Variants in DNM2 observed in about 807,000 individuals in gnomAD.
The protein encoded by DNM2 is dynamin-2.
In DNM2, 15 loss-of-function variants were observed where a neutral mutation model predicts 99.0. The ratio of observed to expected loss-of-function variants is 0.15; its 90% CI spans 0.10 to 0.23. The LOEUF (loss-of-function observed/expected upper bound fraction) is 0.23, where lower values mean the gene tolerates loss of function less well. Ranked by LOEUF, DNM2 falls within the 10% of genes least tolerant of loss-of-function variation. The probability of loss-of-function intolerance (pLI) is 1.00; values close to 1 mark genes in which losing one functional copy is unlikely to be tolerated. For synonymous variants in DNM2, 525 were observed against 481.2 expected (o/e 1.09, Z -1.19); for missense variants, 742 against 1,189.4 (o/e 0.62, Z 5.53).
chr19:10,721,901 A>G (rs187552170), intron 1 of DNM2, among the ~76,000 whole-genome samples: 1 of 152,270 alleles, frequency 6.6e-6, no homozygotes, highest in East Asian at 1.9e-4. Context: ...TTGTGGCTCT[A>G]AGACACTCAG....
At chr19:10,754,225 G>T (rs1273090558) in intron 1 of DNM2, among the ~76,000 whole-genome samples, 1 of 151,532 alleles carries the variant, frequency 6.6e-6, no homozygotes, top group African/African-American at 2.4e-5. Flanking sequence ...ACCTTTTCCT[G>T]AGATTTCAGT....
At chr19:10,825,019 CCA>C (rs759460938) in intron 17 of DNM2, 36 bp from the exon 18 acceptor site, 2 of 1,612,766 alleles carry the variant, frequency 1.2e-6, no homozygotes, top group Non-Finnish European at 8.5e-7. Context: ...TTGGCCCAGG[CCA>C]CAGTCACCCC....
At chr19:10,723,252 G>C (rs1159393679) in intron 1 of DNM2, among the ~76,000 whole-genome samples, 3 of 151,574 alleles carry the variant, frequency 2.0e-5, no homozygotes, top group African/African-American at 4.9e-5. Flanking sequence ...TCCTGCCTCA[G>C]CCTCCTGAGT....
intron 3 of DNM2, among the ~76,000 whole-genome samples, chr19:10,773,715 A>C (rs1402830504): frequency 2.0e-5 from 3 of 149,558 alleles, no homozygotes; most frequent in Non-Finnish European, 4.4e-5. Context: ...CAATCCACCC[A>C]CCTCAGACTC....
At position 10,807,500 on chromosome 19, in the gene DNM2, A is replaced by G. The variant is rs1030857225; in HGVS notation, c.1546-1069A>G. Among the ~76,000 whole-genome samples the G allele has an allele frequency of 4.0e-5, 6 of 148,354 alleles. No homozygotes were observed. In the South Asian group the frequency reaches 1.3e-3, roughly 32 times the overall value. ...GGTGATCCACCCGCCTCGGCCTCCC[A>G]AAGTGCTGGAATTACAAGCGTGAGC... On this transcript the variant is annotated intron_variant, in intron 13 of 20. Coordinates refer to ENST00000389253, the MANE Select transcript of DNM2 (RefSeq NM_001005361.3).
chr19:10,728,216 G>A (rs1296510277), intron 1 of DNM2, among the ~76,000 whole-genome samples: 1 of 152,194 alleles, frequency 6.6e-6, no homozygotes, highest in Non-Finnish European at 1.5e-5. Flanking sequence ...GAGAATCACC[G>A]TGTGCCACAT....
intron 8 of DNM2, among the ~76,000 whole-genome samples, chr19:10,794,774 A>G (rs902336866): frequency 1.3e-5 from 2 of 152,096 alleles, no homozygotes; most frequent in African/African-American, 2.4e-5. Context: ...AAAAAGAAAG[A>G]AAAAAGAAAA....
In DNM2 at chr19:10,796,342, C is replaced by A; in HGVS notation, c.1196+903C>A. On this transcript the variant is annotated intron_variant, in intron 9 of 20. Coordinates refer to ENST00000389253, the MANE Select transcript of DNM2 (RefSeq NM_001005361.3). This position sits in a 1 kb window ranked among gnomAD's most constrained non-coding sequence, Gnocchi z 5.6. Reference sequence around the variant, plus strand: ...TTGTGTCCGTGAACTTGGCCTCTCCCCAGAGGCTGGGGCAGGAGCATGTAG... The same window carrying A: ...TTGTGTCCGTGAACTTGGCCTCTCCACAGAGGCTGGGGCAGGAGCATGTAG... 7.7e-7 allele frequency: 1 copy of A among 1,297,252 alleles called. No individual in the cohort carries two copies. Among genetic ancestry groups the A allele is most frequent in the Non-Finnish European group, 1.1e-6 (1 of 916,244 alleles). 80.4% of individuals were successfully genotyped at this position (1,297,252 alleles called of 1,614,324 possible). A position where few individuals can be genotyped will look rare whatever the true frequency, so the allele number is the denominator to read the frequency against.
intron 1 of DNM2, among the ~76,000 whole-genome samples, chr19:10,727,831 C>G (rs560091266): frequency 6.6e-6 from 1 of 151,958 alleles, no homozygotes; most frequent in Non-Finnish European, 1.5e-5. Context: ...ATAGGCCCCT[C>G]GGCTGCTGAA....
At chr19:10,797,653 G>T (rs1417313952) in intron 10 of DNM2, 135 bp downstream of exon 10, 1 of 1,379,248 alleles carries the variant, frequency 7.3e-7, no homozygotes, top group Admixed American at 1.7e-5. Flanking sequence ...TAGAGATGTC[G>T]CCACCTTGCA....
At chr19:10,828,467 G>C (rs1354382405) in intron 18 of DNM2, among the ~76,000 whole-genome samples, 1 of 151,894 alleles carries the variant, frequency 6.6e-6, no homozygotes, top group East Asian at 1.9e-4. Flanking sequence ...GGCGCCTGTA[G>C]TCCCAGCTAC....
At chr19:10,815,697 T>C (rs2072712764) in intron 15 of DNM2, among the ~76,000 whole-genome samples, 1 of 152,094 alleles carries the variant, frequency 6.6e-6, no homozygotes. Flanking sequence ...AGCCACCAAC[T>C]CAGTCCAGGC....
intron 5 of DNM2, among the ~76,000 whole-genome samples, chr19:10,782,688 C>T (rs981319111): frequency 6.6e-6 from 1 of 152,204 alleles, no homozygotes; most frequent in Admixed American, 6.5e-5. Flanking sequence ...CTTTGAATCT[C>T]AGCTTGTAGA....
At chr19:10,757,758 C>T (rs1162472380) in intron 1 of DNM2, among the ~76,000 whole-genome samples, 1 of 152,030 alleles carries the variant, frequency 6.6e-6, no homozygotes. Context: ...CTCTGGCCAA[C>T]ATAGTGAAAC....
chr19:10,754,324 C>T (rs1216849202), intron 1 of DNM2, among the ~76,000 whole-genome samples: 3 of 148,288 alleles, frequency 2.0e-5, no homozygotes, highest in African/African-American at 7.5e-5. Flanking sequence ...GGCGCTATCT[C>T]AGCTCACTGC....
intron 1 of DNM2, among the ~76,000 whole-genome samples, chr19:10,744,654 G>T (rs1325756857): frequency 3.3e-5 from 5 of 152,152 alleles, no homozygotes; most frequent in African/African-American, 1.2e-4. Flanking sequence ...TGACCACCCT[G>T]TAAGGGCTGC....
chr19:10,774,271 T>C (rs543190037), intron 3 of DNM2, among the ~76,000 whole-genome samples: 2 of 152,306 alleles, frequency 1.3e-5, no homozygotes, highest in East Asian at 1.9e-4. Context: ...CATCTGTGAA[T>C]AGCTACTGCA....
rs1046201423 is a variant in DNM2, at chr19:10,720,259, C to T, written c.161+1856C>T. Among the ~76,000 whole-genome samples the T allele has an allele frequency of 6.1e-4, 91 of 148,708 alleles. 2 individuals are homozygous for T. The highest frequency in any genetic ancestry group is 2.2e-3 in the African/African-American group (90 of 40,140). On this transcript the variant is annotated intron_variant, in intron 1 of 20. Coordinates refer to ENST00000389253, the MANE Select transcript of DNM2 (RefSeq NM_001005361.3). ...ACAGAGTCTCCCTCTGTCATCCAGTCTGGAGTGCAGTGGAGCAATCTTGGC... is the reference window on the plus strand; with the variant it reads ...ACAGAGTCTCCCTCTGTCATCCAGTTTGGAGTGCAGTGGAGCAATCTTGGC...
chr19:10,778,324 C>T (rs972839278), intron 5 of DNM2, among the ~76,000 whole-genome samples: 3 of 152,144 alleles, frequency 2.0e-5, no homozygotes, highest in Non-Finnish European at 2.9e-5. Context: ...TGAGCCACCG[C>T]ACCCGGCCAT....
Sources: allele counts gnomAD v4.1 joint callset (sites outside exome capture counted in the v4.1 genomes callset), GRCh38; gene constraint gnomAD v4.1.1; non-coding constraint Gnocchi (gnomAD v3.1); transcripts MANE v1.5; gene names NCBI Gene and HGNC (gene_info 2026-07-23, HGNC 2026-07-21).